The following NCKAP5 variants were observed in gnomAD, a reference collection of about 807,000 sequenced individuals.
The protein encoded by NCKAP5 is NCK associated protein 5, also known as nck-associated protein 5.
Under a neutral mutation model 167.0 loss-of-function variants are expected in NCKAP5, and 92 were observed. That is an observed-to-expected ratio of 0.55 (90% CI 0.47 to 0.66). NCKAP5 has a LOEUF of 0.66. Ranked by LOEUF, NCKAP5 falls within the 30% of genes least tolerant of loss-of-function variation. The pLI is 0.00. For synonymous variants in NCKAP5, 891 were observed against 877.4 expected, an observed-to-expected ratio of 1.02 and a Z score of -0.27; for missense variants, 2,378 against 2,315.0, an observed-to-expected ratio of 1.03 and a Z score of -0.56.
the NCKAP5 span, among the ~76,000 whole-genome samples, chr2:133,652,766 A>G: frequency 1.3e-5 from 2 of 152,220 alleles, no homozygotes; most frequent in African/African-American, 4.8e-5. Flanking sequence ...TGGAATAGGT[A>G]GCAACCTCAG....
At chr2:133,663,195 A>G in the NCKAP5 span, among the ~76,000 whole-genome samples, 22 of 151,030 alleles carry the variant, frequency 1.5e-4, no homozygotes, top group Middle Eastern at 3.4e-3. Context: ...GAACCCGGGA[A>G]GCGGAGCTTG....
At chr2:133,366,581 C>CGTGA (rs1559421056) in intron 3 of NCKAP5, among the ~76,000 whole-genome samples, 1 of 152,018 alleles carries the variant, frequency 6.6e-6, no homozygotes, top group Non-Finnish European at 1.5e-5. Flanking sequence ...GGATTACAGG[C>CGTGA]GTGAGTTACT....
chr2:133,172,101 C>A (rs1427269598), intron 5 of NCKAP5, among the ~76,000 whole-genome samples: 1 of 152,098 alleles, frequency 6.6e-6, no homozygotes, highest in Non-Finnish European at 1.5e-5. Flanking sequence ...ACTTGAGCCC[C>A]AACTATATAC....
chr2:133,321,699 A>T (rs1682068287), intron 3 of NCKAP5, among the ~76,000 whole-genome samples: 1 of 152,198 alleles, frequency 6.6e-6, no homozygotes, highest in South Asian at 2.1e-4. Flanking sequence ...GCTGGCTGTT[A>T]AAAGTACCTG....
At chr2:133,468,147 T>C (rs1692744412) in intron 3 of NCKAP5, among the ~76,000 whole-genome samples, 2 of 137,860 alleles carry the variant, frequency 1.5e-5, no homozygotes, top group Non-Finnish European at 3.1e-5. Context: ...TGTGGGCATT[T>C]AGTGCTGTAA....
At chr2:133,038,797 A>G (rs1310046680) in intron 6 of NCKAP5, among the ~76,000 whole-genome samples, 1 of 152,148 alleles carries the variant, frequency 6.6e-6, no homozygotes, top group Admixed American at 6.5e-5. Flanking sequence ...AATAAAATCA[A>G]AGGTTAAAAA....
At chr2:133,121,372 G>A (rs1209010059) in intron 6 of NCKAP5, among the ~76,000 whole-genome samples, 1 of 152,098 alleles carries the variant, frequency 6.6e-6, no homozygotes, top group African/African-American at 2.4e-5. Context: ...TAAAAACACA[G>A]GAGGGTTATT....
intron 8 of NCKAP5, among the ~76,000 whole-genome samples, chr2:132,956,007 A>T (rs1283217067): frequency 6.6e-6 from 1 of 152,132 alleles, no homozygotes; most frequent in Non-Finnish European, 1.5e-5. Context: ...GGGGTGTGAG[A>T]ATGCAGACAG....
At chr2:132,887,513 C>T (rs1390909428) in intron 8 of NCKAP5, among the ~76,000 whole-genome samples, 1 of 152,176 alleles carries the variant, frequency 6.6e-6, no homozygotes, top group Non-Finnish European at 1.5e-5. Flanking sequence ...TTTGTCTCCA[C>T]TCACTTCTAT....
chr2:132,707,018 A>G (rs1217773222), intron 19 of NCKAP5, among the ~76,000 whole-genome samples: 1 of 152,236 alleles, frequency 6.6e-6, no homozygotes. Context: ...ACCGAATTGA[A>G]CAATAATCCA....
intron 5 of NCKAP5, among the ~76,000 whole-genome samples, chr2:133,205,923 C>T (rs1013813042): frequency 1.3e-5 from 2 of 152,042 alleles, no homozygotes; most frequent in South Asian, 2.1e-4. Flanking sequence ...TCTATTAATT[C>T]ATTTTATATA....
chr2:132,870,984 A>G (rs1690770742), intron 9 of NCKAP5, among the ~76,000 whole-genome samples: 1 of 152,132 alleles, frequency 6.6e-6, no homozygotes, highest in African/African-American at 2.4e-5. Flanking sequence ...GTCTTTTCAA[A>G]GTTACATTGC....
the NCKAP5 span, among the ~76,000 whole-genome samples, chr2:133,664,443 T>C: frequency 6.6e-6 from 1 of 152,234 alleles, no homozygotes; most frequent in African/African-American, 2.4e-5. Flanking sequence ...TTGAAAGTCC[T>C]AGATGATATC....
chr2:133,293,369 CT>C (rs1476578884), intron 4 of NCKAP5, among the ~76,000 whole-genome samples: 1 of 152,174 alleles, frequency 6.6e-6, no homozygotes, highest in East Asian at 1.9e-4. Flanking sequence ...TAGGCACCCC[CT>C]AATTAGACAC....
intron 5 of NCKAP5, among the ~76,000 whole-genome samples, chr2:133,140,914 T>A (rs1012100911): frequency 3.3e-5 from 5 of 151,948 alleles, no homozygotes; most frequent in African/African-American, 4.8e-5. Context: ...ACACTTTCCT[T>A]CAGGCAGGGA....
chr2:133,600,148 C>G, the NCKAP5 span, among the ~76,000 whole-genome samples: 11 of 152,344 alleles, frequency 7.2e-5, no homozygotes, highest in African/African-American at 2.6e-4. Context: ...CTTGAAAAAG[C>G]TGAAGCATGG....
At chr2:133,529,438 T>C (rs1685184457) in intron 2 of NCKAP5, among the ~76,000 whole-genome samples, 1 of 152,164 alleles carries the variant, frequency 6.6e-6, no homozygotes, top group Non-Finnish European at 1.5e-5. Context: ...TTCATAGTAC[T>C]ATAAAACAGA....
intron 3 of NCKAP5, among the ~76,000 whole-genome samples, chr2:133,350,093 T>C (rs890236151): frequency 2.0e-5 from 3 of 152,024 alleles, no homozygotes; most frequent in Admixed American, 6.6e-5. Context: ...CCTATAAAAA[T>C]GCAAACCTGG....
rs566352625 is a variant in NCKAP5, at chr2:132,784,247, G to C, written c.2564C>G (p.Pro855Arg). ...TGGATCTGATCGTAATTCAAAGAGG[G>C]GCCCTGAGCTCTCAGTCTTCATGAA... ...SRFMKTESSG[P>R]LFELRSDPHI... is the part of the protein sequence containing the mutation. The change falls in exon 14 of 20, where the codon CCC (proline) becomes CGC (arginine). Residue 855 changes from proline (P) to arginine (R), a missense_variant. Coordinates refer to ENST00000409261, the MANE Select transcript of NCKAP5 (RefSeq NM_207363.3). The C allele has an allele frequency of 2.2e-5, 35 of 1,603,606 alleles. No individual in the cohort carries two copies. The South Asian group carries it at 3.9e-4, about 18-fold the overall frequency.
Sources: allele counts gnomAD v4.1 joint callset (sites outside exome capture counted in the v4.1 genomes callset), GRCh38; gene constraint gnomAD v4.1.1; transcripts MANE v1.5; gene names NCBI Gene and HGNC (gene_info 2026-07-23, HGNC 2026-07-21).